Variants in RAD51B observed in about 807,000 individuals in gnomAD.
RAD51B encodes the protein DNA repair protein RAD51 homolog 2.
Under a neutral mutation model 42.2 loss-of-function variants are expected in RAD51B, and 38 were observed. That is an observed-to-expected ratio of 0.90 (90% confidence interval 0.70 to 1.18). The LOEUF is 1.18. Ranked by LOEUF, RAD51B falls within the 50% of genes most tolerant of loss-of-function variation. RAD51B has a pLI of 0.00. For synonymous variants in RAD51B, 154 were observed against 145.2 expected (o/e 1.06, Z -0.43); for missense variants, 373 against 400.7 (o/e 0.93, Z 0.59).
chr14:68,029,982 A>C (rs959918199), intron 7 of RAD51B, among the ~76,000 whole-genome samples: 2 of 152,224 alleles, frequency 1.3e-5, no homozygotes, highest in African/African-American at 4.8e-5. Context: ...GTCAATAAGC[A>C]ATACTATTTT....
At chr14:68,621,136 T>C (rs1891938250) in intron 10 of RAD51B, among the ~76,000 whole-genome samples, 1 of 152,210 alleles carries the variant, frequency 6.6e-6, no homozygotes, top group Non-Finnish European at 1.5e-5. Context: ...CATTCAATCC[T>C]GGGAATACCA....
chr14:68,265,588 AAT>A (rs10551501), intron 7 of RAD51B, among the ~76,000 whole-genome samples: 62,662 of 151,652 alleles, frequency 0.41, 16,375 homozygotes, highest in African/African-American at 0.75. Flanking sequence ...CATTTCTACT[AAT>A]AAAATACAAA....
rs544279025 is a variant in RAD51B at position 68,443,590 on chromosome 14, C to T, written c.958-24582C>T. On this transcript the variant is annotated intron_variant, in intron 9 of 10. Transcript: ENST00000471583. ...AGAAAGCCAGGGAATCTAAGATTCC[C>T]TATCACATTTCTTTCCATTTTCAAA... 2.6e-5 allele frequency among the ~76,000 whole-genome samples: 4 copies of T among 152,226 alleles called. No individual in the cohort carries two copies. The East Asian group carries it at 7.7e-4, about 29-fold the overall frequency.
At chr14:68,435,166 C>A (rs578037094) in intron 9 of RAD51B, among the ~76,000 whole-genome samples, 2 of 152,198 alleles carry the variant, frequency 1.3e-5, no homozygotes, top group Admixed American at 6.5e-5. Context: ...TTGTTTTAAA[C>A]CCTTTCCCCC....
chr14:68,206,788 C>CT (rs34642019), intron 7 of RAD51B, among the ~76,000 whole-genome samples: 2,758 of 124,332 alleles, frequency 0.022, 98 homozygotes, highest in African/African-American at 0.039. Context: ...AACCCCAGTT[C>CT]TTTTTTTTTT....
chr14:68,559,572 G>A (rs757837857), intron 10 of RAD51B, among the ~76,000 whole-genome samples: 1 of 151,938 alleles, frequency 6.6e-6, no homozygotes, highest in Non-Finnish European at 1.5e-5. Flanking sequence ...GTAGAGAAGA[G>A]TGTCACCATG....
At chr14:67,954,339 A>T (rs1162312529) in intron 7 of RAD51B, among the ~76,000 whole-genome samples, 1 of 152,058 alleles carries the variant, frequency 6.6e-6, no homozygotes, top group Non-Finnish European at 1.5e-5. Context: ...TCTGTTGCTT[A>T]TTTTCCTGTA....
intron 8 of RAD51B, among the ~76,000 whole-genome samples, chr14:68,335,583 A>G (rs552798175): frequency 1.3e-4 from 20 of 152,284 alleles, no homozygotes; most frequent in African/African-American, 4.3e-4. Flanking sequence ...AGGTCTGACA[A>G]TGTGGGGAGT....
At chr14:68,547,122 G>T (rs146640000) in intron 10 of RAD51B, among the ~76,000 whole-genome samples, 1 of 152,162 alleles carries the variant, frequency 6.6e-6, no homozygotes, top group Non-Finnish European at 1.5e-5. Flanking sequence ...GACTAGACCG[G>T]TGCCTAACAA....
At chr14:67,839,581 C>A (rs2041357633) in intron 4 of RAD51B, among the ~76,000 whole-genome samples, 2 of 151,838 alleles carry the variant, frequency 1.3e-5, no homozygotes, top group African/African-American at 4.8e-5. Context: ...TAAAAAAAAT[C>A]TTGTCAGAAG....
At chr14:68,125,125 A>G (rs544815817) in intron 7 of RAD51B, 3 of 152,338 alleles carry the variant, frequency 2.0e-5, no homozygotes, top group South Asian at 2.1e-4. Flanking sequence ...GTTGAGCTCC[A>G]TATGAGACAC....
chr14:68,101,817 G>T (rs1025673268), intron 7 of RAD51B, among the ~76,000 whole-genome samples: 4 of 152,250 alleles, frequency 2.6e-5, no homozygotes, highest in African/African-American at 9.6e-5. Context: ...TGCCCCAGTA[G>T]GGACTCTCTG....
chr14:68,283,940 T>G lies in RAD51B; in HGVS notation c.757-7944T>G, dbSNP rs17105324. On this transcript the variant is annotated intron_variant, in intron 7 of 10. Coordinates refer to ENST00000471583, the MANE Select transcript of RAD51B (RefSeq NM_133510.4). ...TCTACTTCAATGCATTTTTCTGAAC[T>G]CAGTGGTCAAAAGTAGCACGGAAGC... Among the ~76,000 whole-genome samples, 468 of 152,360 alleles carry G rather than the reference T, an allele frequency of 3.1e-3. 2 individuals carry two copies. Among genetic ancestry groups the G allele is most frequent in the African/African-American group, 0.011 (450 of 41,592 alleles).
At chr14:68,427,177 G>A (rs2084871928) in intron 9 of RAD51B, among the ~76,000 whole-genome samples, 1 of 152,202 alleles carries the variant, frequency 6.6e-6, no homozygotes, top group African/African-American at 2.4e-5. Context: ...TTATCACAGG[G>A]GCAGAGCCAT....
intron 10 of RAD51B, among the ~76,000 whole-genome samples, chr14:68,625,219 C>T (rs1892050146): frequency 6.6e-6 from 1 of 152,160 alleles, no homozygotes; most frequent in African/African-American, 2.4e-5. Flanking sequence ...CTCCCCTACA[C>T]CCATGGTCAG....
chr14:68,465,951 A>T (rs7149644), intron 9 of RAD51B, among the ~76,000 whole-genome samples: 3,226 of 90,244 alleles, frequency 0.036, 90 homozygotes, highest in African/African-American at 0.077. Flanking sequence ...AAAAAAAAAA[A>T]AAATAAATAA....
intron 9 of RAD51B, among the ~76,000 whole-genome samples, chr14:68,434,015 C>G (rs2085082864): frequency 6.6e-6 from 1 of 152,204 alleles, no homozygotes; most frequent in Non-Finnish European, 1.5e-5. Context: ...CCACTCCAGA[C>G]CCTGTTTGCC....
intron 8 of RAD51B, among the ~76,000 whole-genome samples, chr14:68,308,236 C>T (rs2081906598): frequency 6.6e-6 from 1 of 152,132 alleles, no homozygotes; most frequent in Admixed American, 6.5e-5. Flanking sequence ...ATTATATTTG[C>T]TTATCCAATA....
intron 10 of RAD51B, among the ~76,000 whole-genome samples, chr14:68,581,216 A>G (rs1017576261): frequency 2.6e-5 from 4 of 152,170 alleles, no homozygotes; most frequent in Non-Finnish European, 4.4e-5. Flanking sequence ...ATAGGCGGTC[A>G]GTAGAAAGTG....
Sources: gnomAD v4.1 joint callset for allele counts (sites outside exome capture counted in the v4.1 genomes callset) on GRCh38, gnomAD v4.1.1 for gene constraint, MANE v1.5 for transcripts, NCBI Gene and HGNC (gene_info 2026-07-23, HGNC 2026-07-21) for gene names.